RPF1: variants seen among roughly 807,000 people sequenced by gnomAD.
The protein encoded by RPF1 is ribosome production factor 1 homolog.
RPF1 carries 34 observed loss-of-function variants against 41.9 expected under a neutral mutation model. That is an observed-to-expected ratio of 0.81 (90% CI 0.62 to 1.08). The LOEUF is 1.08. Ranked by LOEUF, RPF1 falls within the 50% of genes least tolerant of loss-of-function variation. The pLI, the probability that RPF1 is intolerant of heterozygous loss-of-function variation, is 0.00. For synonymous variants in RPF1, 140 were observed against 148.9 expected, an observed-to-expected ratio of 0.94 and a Z score of 0.43; for missense variants, 425 against 435.2, an observed-to-expected ratio of 0.98 and a Z score of 0.21.
chr1:84,487,977 T>TGA (rs1681763529), intron 3 of RPF1, among the ~76,000 whole-genome samples: 1 of 152,122 alleles, frequency 6.6e-6, no homozygotes. Context: ...TGTAATGCCA[T>TGA]GATATATATC....
chr1:84,489,580 G>A, intron 3 of RPF1, 53 bp from the exon 4 acceptor site: 1 of 976,312 alleles, frequency 1.0e-6, no homozygotes, highest in South Asian at 1.3e-5. Context: ...TTAGAATTCT[G>A]GCCCAGTAGA....
At chr1:84,482,269 C>G (rs1681663927) in intron 2 of RPF1, among the ~76,000 whole-genome samples, 1 of 152,174 alleles carries the variant, frequency 6.6e-6, no homozygotes, top group South Asian at 2.1e-4. Context: ...TTCATTTACA[C>G]CATTTCTTGG....
intron 5 of RPF1, among the ~76,000 whole-genome samples, chr1:84,493,332 CAA>C (rs376130673): frequency 0.17 from 17,235 of 103,834 alleles, 1,700 homozygotes; most frequent in African/African-American, 0.34. Context: ...GCACTACTAT[CAA>C]AAAAAAAAAA....
At position 84,497,712 on chromosome 1, in the gene RPF1, ATAAT is replaced by A. The variant is rs1570356875; in HGVS notation, c.*246_*249del. The A allele has an allele frequency of 2.1e-5, 8 of 383,884 alleles. No homozygotes were observed. In the East Asian group the frequency reaches 3.6e-4, roughly 17 times the overall value. The allele number at this position is 383,884 out of a possible 1,614,324, so 23.8% of individuals were successfully genotyped here. A position where few individuals can be genotyped will look rare whatever the true frequency, so the allele number is the denominator to read the frequency against. On this transcript the variant is annotated 3_prime_UTR_variant, in exon 9 of 9. Coordinates refer to ENST00000370654, the MANE Select transcript of RPF1 (RefSeq NM_025065.7). Reference sequence around the variant, plus strand: ...TTCTCTTGTTTTTGGGTAACTGTGAATAATTAAGTTGGAATCAAGATTCAGATTA... The same window carrying A: ...TTCTCTTGTTTTTGGGTAACTGTGAATAAGTTGGAATCAAGATTCAGATTA...
chr1:84,484,683 CTTTTT>C, intron 3 of RPF1, among the ~76,000 whole-genome samples: 1 of 141,078 alleles, frequency 7.1e-6, no homozygotes, highest in Admixed American at 7.1e-5. Context: ...GACCAGAAGT[CTTTTT>C]TTTTTTTTTT....
intron 3 of RPF1, among the ~76,000 whole-genome samples, chr1:84,484,065 T>C (rs1464498883): frequency 1.3e-5 from 2 of 152,206 alleles, no homozygotes; most frequent in Non-Finnish European, 2.9e-5. Flanking sequence ...GTTAGACATA[T>C]GTTAGCCAGT....
intron 1 of RPF1, 46 bp downstream of exon 1, chr1:84,479,555 A>T: frequency 6.3e-7 from 1 of 1,576,198 alleles, no homozygotes; most frequent in Non-Finnish European, 8.7e-7. Flanking sequence ...GTTGTTCCTG[A>T]CGCTTAGGGC....
intron 3 of RPF1, among the ~76,000 whole-genome samples, chr1:84,486,167 GA>G (rs1048928671): frequency 1.3e-5 from 2 of 152,126 alleles, no homozygotes; most frequent in Non-Finnish European, 2.9e-5. Context: ...GCAAGGGAGA[GA>G]ATTGTAGAAG....
chr1:84,487,732 G>A (rs11163981), intron 3 of RPF1, among the ~76,000 whole-genome samples: 58,353 of 151,850 alleles, frequency 0.38, 12,767 homozygotes, highest in African/African-American at 0.59. Context: ...TTATTTGCTT[G>A]ATTGTCAGGA....
chr1:84,481,865 A>T (rs1201054391), intron 2 of RPF1, among the ~76,000 whole-genome samples: 1 of 152,184 alleles, frequency 6.6e-6, no homozygotes, highest in East Asian at 1.9e-4. Flanking sequence ...AAAAAATGTA[A>T]AGACAGTATA....
intron 8 of RPF1, among the ~76,000 whole-genome samples, chr1:84,497,113 G>C (rs931296637): frequency 1.3e-5 from 2 of 151,154 alleles, no homozygotes; most frequent in Non-Finnish European, 2.9e-5. Context: ...CTCATGATCT[G>C]CCTGCCTCAG....
Position 84,479,432 on chromosome 1 carries a change from G to A in RPF1, c.151G>A (p.Gly51Ser). 3 of 1,614,264 alleles carry A rather than the reference G, an allele frequency of 1.9e-6. No individual in the cohort carries two copies. Among genetic ancestry groups the A allele is most frequent in the Non-Finnish European group, 2.5e-6 (3 of 1,180,052 alleles). ...QPPKAAAFPP[G>S]FSISEIKNKQ... ...CCCGAAAGCGGCTGCCTTTCCGCCA[G>A]GCTTTAGCATTTCGGAGATTAAAAA... Residue 51 changes from glycine to serine, a missense_variant, in exon 1 of 9, where the codon GGC becomes AGC. By Grantham distance (56) the Gly-to-Ser change is moderately conservative. Coordinates refer to ENST00000370654, the MANE Select transcript of RPF1 (RefSeq NM_025065.7).
intron 3 of RPF1, chr1:84,483,315 G>A: frequency 3.9e-6 from 1 of 254,540 alleles, no homozygotes; most frequent in Non-Finnish European, 7.7e-6. Flanking sequence ...CGCCCATGCT[G>A]GAGTGCAGTG....
chr1:84,494,419 A>G (rs1306198119), intron 5 of RPF1, among the ~76,000 whole-genome samples: 1 of 152,238 alleles, frequency 6.6e-6, no homozygotes, highest in Non-Finnish European at 1.5e-5. Context: ...ACTTGAAACC[A>G]TCTGATTCTG....
intron 5 of RPF1, among the ~76,000 whole-genome samples, chr1:84,494,479 A>G (rs1168953215): frequency 2.6e-5 from 4 of 152,220 alleles, no homozygotes; most frequent in African/African-American, 7.2e-5. Context: ...AATTTCTCCT[A>G]AACTAGAAAA....
In RPF1 at chr1:84,497,491, G is replaced by T; in HGVS notation, c.*21G>T. The T allele has an allele frequency of 6.3e-7, 1 of 1,580,736 alleles. No homozygotes were observed. The highest frequency in any genetic ancestry group is 2.3e-5 in the East Asian group (1 of 44,118). On this transcript the variant is annotated 3_prime_UTR_variant, in exon 9 of 9. Transcript: ENST00000370654. ...TATAAAGTACTGAGAGAATGATATT[G>T]GATTTTGCTGAACAGGCCTATCTTG...
Position 84,495,397 on chromosome 1 carries a change from C to CA in RPF1, c.644dup (p.Asn215LysfsTer8). 6.6e-7 allele frequency: 1 copy of CA among 1,522,376 alleles called. No homozygotes were observed. Among genetic ancestry groups the CA allele is most frequent in the Non-Finnish European group, 9.0e-7 (1 of 1,109,552 alleles). The allele number at this position is 1,522,376 out of a possible 1,614,324, so 94.3% of individuals were successfully genotyped here. On this transcript the variant is annotated frameshift_variant, in exon 6 of 9. Coordinates refer to ENST00000370654, the MANE Select transcript of RPF1 (RefSeq NM_025065.7). LOFTEE classifies it high-confidence loss of function. ...GATGGACTTATTTTGAGTCACTTGCCAAATGGCCCAACTGCTCATTTTAAA... is the reference window on the plus strand; with the variant it reads ...GATGGACTTATTTTGAGTCACTTGCCAAAATGGCCCAACTGCTCATTTTAAA...
At chr1:84,486,198 TGAA>T (rs1681732612) in intron 3 of RPF1, among the ~76,000 whole-genome samples, 1 of 152,092 alleles carries the variant, frequency 6.6e-6, no homozygotes, top group Non-Finnish European at 1.5e-5. Flanking sequence ...GAAAGTATGA[TGAA>T]GAAGAAAGAC....
At chr1:84,495,847 C>A (rs778168498) in intron 6 of RPF1, 35 bp from the exon 7 acceptor site, 5 of 1,375,708 alleles carry the variant, frequency 3.6e-6, no homozygotes, top group African/African-American at 1.4e-5. Flanking sequence ...ATTAGCTTAG[C>A]CCATTGTGAT....
Sources: gnomAD v4.1 joint callset for allele counts (sites outside exome capture counted in the v4.1 genomes callset) on GRCh38, gnomAD v4.1.1 for gene constraint, MANE v1.5 for transcripts, NCBI Gene and HGNC (gene_info 2026-07-23, HGNC 2026-07-21) for gene names.